LMNA: variants seen among roughly 807,000 people sequenced by gnomAD.
The protein encoded by LMNA is lamin.
A neutral mutation model predicts 70.4 loss-of-function variants in LMNA; 20 were observed. That is an observed-to-expected ratio of 0.28 (90% confidence interval 0.20 to 0.41). LMNA has a LOEUF of 0.41. Among genes scored for constraint, LMNA ranks in the 10% least tolerant of loss-of-function variants. The pLI is 1.00. For missense variants in LMNA, 652 were observed against 917.2 expected, an observed-to-expected ratio of 0.71 and a Z score of 3.73; for synonymous variants, 339 against 372.8, an observed-to-expected ratio of 0.91 and a Z score of 1.04.
At chr1:156,107,838 A>G (rs1463003547) in intron 3 of LMNA, among the ~76,000 whole-genome samples, 1 of 147,074 alleles carries the variant, frequency 6.8e-6, no homozygotes. Context: ...ATGGAGTCTC[A>G]CTCTGTCACC....
intron 3 of LMNA, among the ~76,000 whole-genome samples, chr1:156,098,526 C>T (rs888111710): frequency 6.6e-6 from 1 of 152,158 alleles, no homozygotes; most frequent in Non-Finnish European, 1.5e-5. Context: ...TCAGGAATAA[C>T]TGAGGTGAGA....
At chr1:156,092,757 C>T (rs889408374) in intron 3 of LMNA, among the ~76,000 whole-genome samples, 1 of 151,972 alleles carries the variant, frequency 6.6e-6, no homozygotes, top group African/African-American at 2.4e-5. Context: ...ATCAGATTCA[C>T]ACTCCTTAGT....
upstream of LMNA, among the ~76,000 whole-genome samples, chr1:156,112,756 G>A (rs552273875): frequency 5.5e-4 from 83 of 152,266 alleles, no homozygotes; most frequent in African/African-American, 1.9e-3. Context: ...AATAACCAAA[G>A]TTCCTGCCTT....
At chr1:156,096,228 C>G (rs1197072599) in intron 3 of LMNA, among the ~76,000 whole-genome samples, 1 of 152,208 alleles carries the variant, frequency 6.6e-6, no homozygotes, top group African/African-American at 2.4e-5. Flanking sequence ...TTTCCTCTGC[C>G]TGGAACACAC....
chr1:156,123,932 C>T (rs1007893205), intron 1 of LMNA, among the ~76,000 whole-genome samples: 3 of 152,236 alleles, frequency 2.0e-5, no homozygotes, highest in African/African-American at 4.8e-5. Flanking sequence ...CTTCCTATCC[C>T]TCTCTCAGCA....
rs1436409162 is a variant in LMNA at position 156,136,227 on chromosome 1, C to G, written c.1171C>G (p.Pro391Ala). The change falls in exon 7 of 12, where the codon CCC becomes GCC. Residue 391 changes from proline (P) to alanine (A), a missense_variant. Around this residue, in one of 4 missense-constraint regions of LMNA, gnomAD observed 33 missense variants for 75.3 expected, o/e 0.44. Coordinates refer to ENST00000368300, the MANE Select transcript of LMNA (RefSeq NM_170707.4). The surrounding 1 kb of genome is among the most constrained non-coding windows in gnomAD (Gnocchi z 6.1). Reference protein sequence around the residue: ...EGEEERLRLSPSPTSQRSRGR... With the variant: ...EGEEERLRLSASPTSQRSRGR... ...CCCTCTCCCCAGGCTACGCCTGTCC[C>G]CCAGCCCTACCTCGCAGCGCAGCCG... 2 of 1,612,364 alleles carry G rather than the reference C, an allele frequency of 1.2e-6. No homozygotes were observed. The highest frequency in any genetic ancestry group is 2.7e-5 in the African/African-American group (2 of 74,920).
In LMNA at chr1:156,137,560, C is replaced by A; in HGVS notation, c.1609-94C>A. ...AGCAGCAGGCCGGACAAAGGGCAGG[C>A]CACAAGAAAAGTTGCAGGTGGTCAC... On this transcript the variant is annotated intron_variant, in intron 9 of 11. Transcript: ENST00000368300. The surrounding 1 kb of genome is among the most constrained non-coding windows in gnomAD (Gnocchi z 4.6). 8.5e-7 allele frequency: 1 copy of A among 1,170,604 alleles called. No individual in the cohort carries two copies. Among genetic ancestry groups the A allele is most frequent in the Non-Finnish European group, 1.2e-6 (1 of 807,236 alleles). The allele number at this position is 1,170,604 out of a possible 1,614,324, so 72.5% of individuals were successfully genotyped here.
chr1:156,127,641 C>T (rs934428213), intron 1 of LMNA, among the ~76,000 whole-genome samples: 1 of 150,266 alleles, frequency 6.7e-6, no homozygotes, highest in Non-Finnish European at 1.5e-5. Context: ...ACCTCAGCCT[C>T]CTCAGTAGCT....
intron 1 of LMNA, among the ~76,000 whole-genome samples, chr1:156,130,200 GAGGGAAGCTTGGCCAA>G (rs1345441982): frequency 6.6e-6 from 1 of 152,198 alleles, no homozygotes; most frequent in East Asian, 1.9e-4. Context: ...TCCTCAGAGG[GAGGGAAGCTTGGCCAA>G]AGGGAAGTGA....
chr1:156,098,891 C>T (rs2102796985), intron 3 of LMNA, among the ~76,000 whole-genome samples: 1 of 152,308 alleles, frequency 6.6e-6, no homozygotes, highest in African/African-American at 2.4e-5. Flanking sequence ...ATACAAGCAA[C>T]AGTTCTCCCT....
chr1:156,082,780 C>G (rs912489842), intron 1 of LMNA: 22 of 150,486 alleles, frequency 1.5e-4, no homozygotes, highest in African/African-American at 4.7e-4. Context: ...TGCCCCGCGC[C>G]GGCCGGTCCT....
rs557591514 is a variant in LMNA at position 156,139,772 on chromosome 1, A to T, written c.*666A>T. The T allele has an allele frequency of 6.5e-7, 1 of 1,533,242 alleles. No homozygotes were observed. Among genetic ancestry groups the T allele is most frequent in the East Asian group, 2.5e-5 (1 of 40,766 alleles). 95.0% of individuals were successfully genotyped at this position (1,533,242 alleles called of 1,614,324 possible). ...TTGCTTTTCTGTATTTTATTTAGAC[A>T]AGAGATGGGAATGAGGTGGGAGGTG... On this transcript the variant is annotated 3_prime_UTR_variant, in exon 12 of 12. Transcript: ENST00000368300.
At chr1:156,102,074 C>T (rs1026219201) in intron 3 of LMNA, among the ~76,000 whole-genome samples, 9 of 152,360 alleles carry the variant, frequency 5.9e-5, no homozygotes, top group South Asian at 2.1e-4. Flanking sequence ...GCCAGGCCCT[C>T]GCCTTCCCTA....
In LMNA at chr1:156,138,019, C is replaced by T. The variant is rs758454113; in HGVS notation, c.1698+276C>T. 3 of 654,364 alleles carry T rather than the reference C, an allele frequency of 4.6e-6. No homozygotes were observed. The highest frequency in any genetic ancestry group is 7.6e-6 in the Non-Finnish European group (3 of 396,208). The allele number at this position is 654,364 out of a possible 1,614,324, so 40.5% of individuals were successfully genotyped here. Reference sequence around the variant, plus strand: ...GCAGTGGACAAGGGTCTGGATTTGTCTTCTGGGAAAGGGAGGGGAGGACAG... The same window carrying T: ...GCAGTGGACAAGGGTCTGGATTTGTTTTCTGGGAAAGGGAGGGGAGGACAG... On this transcript the variant is annotated intron_variant, in intron 10 of 11. Coordinates refer to ENST00000368300, the MANE Select transcript of LMNA (RefSeq NM_170707.4). The surrounding 1 kb of genome is among the most constrained non-coding windows in gnomAD (Gnocchi z 5.5).
intron 3 of LMNA, among the ~76,000 whole-genome samples, chr1:156,100,114 A>T (rs1271425327): frequency 1.3e-5 from 2 of 152,032 alleles, no homozygotes; most frequent in Non-Finnish European, 2.9e-5. Flanking sequence ...TGCACTTTGG[A>T]AGAGAGCTCA....
chr1:156,122,676 G>T (rs1190442759), intron 1 of LMNA, among the ~76,000 whole-genome samples: 1 of 152,234 alleles, frequency 6.6e-6, no homozygotes, highest in Non-Finnish European at 1.5e-5. Flanking sequence ...CACAGGAATG[G>T]CTCCCATTGA....
chr1:156,138,149 G>A lies in LMNA; in HGVS notation c.1699-339G>A, dbSNP rs1289759311. 8 of 531,004 alleles carry A rather than the reference G, an allele frequency of 1.5e-5. No individual in the cohort carries two copies. The highest frequency in any genetic ancestry group is 2.4e-5 in the Non-Finnish European group (7 of 294,786). The allele number at this position is 531,004 out of a possible 1,614,324, so 32.9% of individuals were successfully genotyped here. A position where few individuals can be genotyped will look rare whatever the true frequency, so the allele number is the denominator to read the frequency against. On this transcript the variant is annotated intron_variant, in intron 10 of 11. Transcript: ENST00000368300. This position sits in a 1 kb window ranked among gnomAD's most constrained non-coding sequence, Gnocchi z 5.5. ...AGAATGTTCTCTCTCATTCCTGACC[G>A]CCCCTCCACTCCAATTAATAGTGCA...
chr1:156,100,030 G>T (rs1479073038), intron 3 of LMNA, among the ~76,000 whole-genome samples: 1 of 152,024 alleles, frequency 6.6e-6, no homozygotes, highest in Non-Finnish European at 1.5e-5. Context: ...TGGTCTGGAG[G>T]GCTCCATCCA....
At position 156,138,874 on chromosome 1, in the gene LMNA, G is replaced by A. The variant is rs1651892168; in HGVS notation, c.1968+117G>A. On this transcript the variant is annotated intron_variant, in intron 11 of 11. Coordinates refer to ENST00000368300, the MANE Select transcript of LMNA (RefSeq NM_170707.4). This position sits in a 1 kb window ranked among gnomAD's most constrained non-coding sequence, Gnocchi z 5.5. Reference sequence around the variant, plus strand: ...GCCTTCTCTTCCGCAGCCCGGGGGAGTGGGAGCCTCCTCCCCACAGCCTGA... The same window carrying A: ...GCCTTCTCTTCCGCAGCCCGGGGGAATGGGAGCCTCCTCCCCACAGCCTGA... 13 of 1,425,368 alleles carry A rather than the reference G, an allele frequency of 9.1e-6. No homozygotes were observed. The highest frequency in any genetic ancestry group is 6.8e-6 in the Non-Finnish European group (7 of 1,024,000). 88.3% of individuals were successfully genotyped at this position (1,425,368 alleles called of 1,614,324 possible).
Sources: allele counts gnomAD v4.1 joint callset (sites outside exome capture counted in the v4.1 genomes callset), GRCh38; gene constraint gnomAD v4.1.1; regional missense constraint gnomAD v4.1.1; non-coding constraint Gnocchi (gnomAD v3.1); transcripts MANE v1.5; gene names NCBI Gene and HGNC (gene_info 2026-07-23, HGNC 2026-07-21).